Variants in ZAR1L observed in about 807,000 individuals in gnomAD.
ZAR1L encodes the protein zygote arrest 1 like.
ZAR1L carries 16 observed loss-of-function variants against 30.0 expected under a neutral mutation model. The observed-to-expected ratio is 0.53, with a 90% CI of 0.36 to 0.81. The LOEUF is 0.81. ZAR1L is among the 30% of genes least tolerant of loss of function. The pLI is 0.00. For synonymous variants in ZAR1L, 197 were observed against 166.8 expected (o/e 1.18, Z -1.40); for missense variants, 392 against 417.2 (o/e 0.94, Z 0.53).
At chr13:32,313,609 T>G (rs2072229115) in intron 2 of ZAR1L, among the ~76,000 whole-genome samples, 1 of 152,242 alleles carries the variant, frequency 6.6e-6, no homozygotes, top group Admixed American at 6.5e-5. Context: ...TCAGGTGATC[T>G]GCCCACCTTG....
chr13:32,311,358 T>C lies in ZAR1L; in HGVS notation c.568A>G (p.Lys190Glu), dbSNP rs1024981194. ...EPGQLEESGE[K>E]DAPCPQETKS... The stretch of plus-strand genomic sequence containing the variant: ...GTCTCCTGAGGGCACGGGGCGTCTT[T>C]CTCCCCCGATTCCTCCAGCTGCCCG... Residue 190 changes from lysine to glutamate, a missense_variant, in exon 3 of 6, where the codon AAA becomes GAA. Physicochemically the swap from Lys to Glu is moderately conservative, Grantham distance 56 (BLOSUM62 1). Transcript: ENST00000533490. 6.4e-7 allele frequency: 1 copy of C among 1,550,836 alleles called. No homozygotes were observed. Among genetic ancestry groups the C allele is most frequent in the Admixed American group, 2.0e-5 (1 of 50,992 alleles).
intron 3 of ZAR1L, among the ~76,000 whole-genome samples, chr13:32,311,038 G>T (rs1457924912): frequency 6.6e-6 from 1 of 151,506 alleles, no homozygotes; most frequent in African/African-American, 2.4e-5. Context: ...TTCTCCAATA[G>T]CAGTGGTTGC....
intron 5 of ZAR1L, among the ~76,000 whole-genome samples, chr13:32,306,930 C>CAAAAA (rs369500221): frequency 0.28 from 16,641 of 59,036 alleles, 2,805 homozygotes; most frequent in East Asian, 0.33. Flanking sequence ...GACTCTATCT[C>CAAAAA]AAAAAAAAAA....
chr13:32,311,473 T>C lies in ZAR1L; in HGVS notation c.453A>G (p.Glu151=). Residue 151 remains glutamate, a synonymous_variant, in exon 3 of 6, where the codon GAA becomes GAG. Coordinates refer to ENST00000533490, the MANE Select transcript of ZAR1L (RefSeq NM_001136571.2). The part of the protein sequence containing the change: ...GLIRLRRDGD[E]AESKALPGPA... ...GGCCCGGGAGCGCCTTGCTCTCCGC[T>C]TCGTCCCCATCTCTCCGCAGGCGGA... The C allele has an allele frequency of 6.5e-7, 1 of 1,546,422 alleles. No individual in the cohort carries two copies. The highest frequency in any genetic ancestry group is 8.7e-7 in the Non-Finnish European group (1 of 1,146,722).
At position 32,311,901 on chromosome 13, in the gene ZAR1L, A is replaced by ATCC; in HGVS notation, c.24_25insGGA (p.Pro8_Tyr9insGly). ...CTCCCATAACCCTGGTACAAGCCAT[A>ATCC]GGGAACACGGACAAAGCGCTCCATC... On this transcript the variant is annotated inframe_insertion, in exon 3 of 6. Coordinates refer to ENST00000533490, the MANE Select transcript of ZAR1L (RefSeq NM_001136571.2). The ATCC allele has an allele frequency of 6.4e-7, 1 of 1,551,022 alleles. No individual in the cohort carries two copies. Among genetic ancestry groups the ATCC allele is most frequent in the Non-Finnish European group, 8.7e-7 (1 of 1,146,640 alleles).
intron 2 of ZAR1L, among the ~76,000 whole-genome samples, chr13:32,313,195 G>A (rs2072226652): frequency 6.6e-6 from 1 of 152,146 alleles, no homozygotes. Flanking sequence ...ATACTGAAAA[G>A]TTTCAAAGAG....
chr13:32,314,308 T>G lies in ZAR1L; in HGVS notation c.-169+22A>C, dbSNP rs562302198. ...CTGATTATCAAACTAAAATGGTCCCTAAGGAACCAAGCGGAGCCCACCCTT... is the reference window on the plus strand; with the variant it reads ...CTGATTATCAAACTAAAATGGTCCCGAAGGAACCAAGCGGAGCCCACCCTT... On this transcript the variant is annotated intron_variant, in intron 2 of 5. Coordinates refer to ENST00000533490, the MANE Select transcript of ZAR1L (RefSeq NM_001136571.2). 2.0e-5 allele frequency: 3 copies of G among 152,352 alleles called. No homozygotes were observed. The East Asian group carries it at 5.8e-4, about 29-fold the overall frequency. 9.4% of individuals were successfully genotyped at this position (152,352 alleles called of 1,614,324 possible). A position where few individuals can be genotyped will look rare whatever the true frequency, so the allele number is the denominator to read the frequency against.
chr13:32,310,160 T>C (rs2072202313), intron 4 of ZAR1L, among the ~76,000 whole-genome samples: 4 of 152,254 alleles, frequency 2.6e-5, no homozygotes, highest in Admixed American at 2.6e-4. Context: ...AATGCAGAAT[T>C]TAATGTGAAG....
At chr13:32,312,177 G>T in intron 2 of ZAR1L, 84 bp from the exon 3 acceptor site, 1 of 451,064 alleles carries the variant, frequency 2.2e-6, no homozygotes, top group Non-Finnish European at 3.9e-6. Flanking sequence ...CCTCTTCACT[G>T]TTCGGGAATC....
In ZAR1L at chr13:32,311,968, T is replaced by G; in HGVS notation, c.-43A>C. ...GGCGCAGTCTAATATCCTAGCCAGT[T>G]TGTTTGGGTCCTTATTTTGCCTTCC... On this transcript the variant is annotated 5_prime_UTR_variant, in exon 3 of 6. Transcript: ENST00000533490. The G allele has an allele frequency of 2.0e-6, 3 of 1,487,820 alleles. No individual in the cohort carries two copies. Among genetic ancestry groups the G allele is most frequent in the Non-Finnish European group, 2.7e-6 (3 of 1,115,050 alleles). 92.2% of individuals were successfully genotyped at this position (1,487,820 alleles called of 1,614,324 possible).
At chr13:32,310,494 G>A (rs2072204432) in intron 4 of ZAR1L, 145 bp downstream of exon 4, 1 of 624,256 alleles carries the variant, frequency 1.6e-6, no homozygotes, top group South Asian at 2.1e-5. Context: ...CATTCACTGA[G>A]CACTTCCTGT....
chr13:32,313,227 C>G (rs1229132155), intron 2 of ZAR1L, among the ~76,000 whole-genome samples: 1 of 152,174 alleles, frequency 6.6e-6, no homozygotes. Flanking sequence ...GCTCTCACCG[C>G]ACACAAAAGA....
intron 5 of ZAR1L, among the ~76,000 whole-genome samples, chr13:32,304,477 A>G (rs1030843400): frequency 3.9e-5 from 6 of 152,224 alleles, no homozygotes; most frequent in Non-Finnish European, 7.3e-5. Flanking sequence ...AAAAAAGACT[A>G]GAGCAGATGT....
Position 32,312,084 on chromosome 13 carries a change from G to T in ZAR1L, c.-159C>A. On this transcript the variant is annotated 5_prime_UTR_variant, in exon 3 of 6. Coordinates refer to ENST00000533490, the MANE Select transcript of ZAR1L (RefSeq NM_001136571.2). Reference sequence around the variant, plus strand: ...ATTTCAGATTCTAATGGGAGCTGCTGCTTATTACCCTGATTGAGGGAGAGA... The same window carrying T: ...ATTTCAGATTCTAATGGGAGCTGCTTCTTATTACCCTGATTGAGGGAGAGA... 2.4e-6 allele frequency: 2 copies of T among 844,434 alleles called. No homozygotes were observed. The highest frequency in any genetic ancestry group is 2.7e-5 in the East Asian group (1 of 36,742). 52.3% of individuals were successfully genotyped at this position (844,434 alleles called of 1,614,324 possible). A position where few individuals can be genotyped will look rare whatever the true frequency, so the allele number is the denominator to read the frequency against.
At chr13:32,309,417 C>CAGTTTCAT (rs2072198070) in intron 4 of ZAR1L, among the ~76,000 whole-genome samples, 1 of 152,194 alleles carries the variant, frequency 6.6e-6, no homozygotes, top group Non-Finnish European at 1.5e-5. Context: ...TCTTTTAGCT[C>CAGTTTCAT]TTACATGTTT....
chr13:32,304,447 T>C (rs1434276372), intron 5 of ZAR1L, among the ~76,000 whole-genome samples: 2 of 152,162 alleles, frequency 1.3e-5, no homozygotes, highest in Non-Finnish European at 2.9e-5. Flanking sequence ...TGGCAGTGGG[T>C]AGGAATAAAA....
At position 32,311,881 on chromosome 13, in the gene ZAR1L, A is replaced by G; in HGVS notation, c.45T>C (p.Tyr15=). Residue 15 remains tyrosine (Y), a synonymous_variant, in exon 3 of 6, where the codon TAT becomes TAC. Coordinates refer to ENST00000533490, the MANE Select transcript of ZAR1L (RefSeq NM_001136571.2). ...VRVPYGLYQG[Y]GSTVPLGQPG... is the part of the protein sequence containing the mutation. Reference sequence around the variant, plus strand: ...GCTGGCCCAAAGGCACTGTGCTCCCATAACCCTGGTACAAGCCATAGGGAA... The same window carrying G: ...GCTGGCCCAAAGGCACTGTGCTCCCGTAACCCTGGTACAAGCCATAGGGAA... 1 of 1,551,630 alleles carries G rather than the reference A, an allele frequency of 6.4e-7. No homozygotes were observed. The highest frequency in any genetic ancestry group is 8.7e-7 in the Non-Finnish European group (1 of 1,146,982).
chr13:32,308,281 G>A (rs987135779), intron 5 of ZAR1L, among the ~76,000 whole-genome samples: 1 of 152,180 alleles, frequency 6.6e-6, no homozygotes, highest in Non-Finnish European at 1.5e-5. Context: ...CCTTGGGAAA[G>A]TTATTTTGAA....
At chr13:32,313,833 C>T (rs1054629483) in intron 2 of ZAR1L, among the ~76,000 whole-genome samples, 2 of 152,118 alleles carry the variant, frequency 1.3e-5, no homozygotes, top group African/African-American at 4.8e-5. Flanking sequence ...GTATGGGGGG[C>T]TGTATAAAAT....
Sources: allele counts gnomAD v4.1 joint callset (sites outside exome capture counted in the v4.1 genomes callset), GRCh38; gene constraint gnomAD v4.1.1; transcripts MANE v1.5; gene names NCBI Gene and HGNC (gene_info 2026-07-23, HGNC 2026-07-21).